The following TRDN variants were observed in gnomAD, a reference collection of about 807,000 sequenced individuals.
The protein encoded by TRDN is triadin.
In TRDN, 161 loss-of-function variants were observed where a neutral mutation model predicts 149.7. The ratio of observed to expected loss-of-function variants is 1.08; its 90% CI spans 0.95 to 1.23. The LOEUF is 1.23. TRDN is among the 50% of genes most tolerant of loss of function. The pLI is 0.00. For missense variants in TRDN, 896 were observed against 823.5 expected, an observed-to-expected ratio of 1.09 and a Z score of -1.08; for synonymous variants, 294 against 250.5, an observed-to-expected ratio of 1.17 and a Z score of -1.64.
At chr6:123,514,801 AGCC>A (rs1444158118) in intron 6 of TRDN, among the ~76,000 whole-genome samples, 2 of 152,088 alleles carry the variant, frequency 1.3e-5, no homozygotes, top group African/African-American at 4.8e-5. Flanking sequence ...TGAAGCTGGA[AGCC>A]ATCATTCTCA....
chr6:123,489,656 T>C (rs1778125772), intron 9 of TRDN: 1 of 152,164 alleles, frequency 6.6e-6, no homozygotes, highest in Admixed American at 6.5e-5. Flanking sequence ...ATATTAAGCA[T>C]TTTCTATTTC....
chr6:123,581,985 A>G (rs140555181), intron 1 of TRDN, among the ~76,000 whole-genome samples: 51 of 152,328 alleles, frequency 3.3e-4, no homozygotes, highest in African/African-American at 1.1e-3. Context: ...GAATGGATTT[A>G]TTCTGAGCCA....
intron 10 of TRDN, among the ~76,000 whole-genome samples, chr6:123,440,330 G>T (rs1774806899): frequency 6.6e-6 from 1 of 152,102 alleles, no homozygotes; most frequent in Non-Finnish European, 1.5e-5. Flanking sequence ...GTCAAATTTT[G>T]ATAGTTTCAG....
intron 18 of TRDN, among the ~76,000 whole-genome samples, chr6:123,376,188 T>C (rs1381544211): frequency 6.6e-6 from 1 of 152,166 alleles, no homozygotes; most frequent in Non-Finnish European, 1.5e-5. Flanking sequence ...CCAATAGTCA[T>C]TCTGTATGTC....
intron 10 of TRDN, chr6:123,441,103 G>A (rs1304791826): frequency 6.6e-6 from 1 of 152,078 alleles, no homozygotes; most frequent in Non-Finnish European, 1.5e-5. Flanking sequence ...AACTTCTCAA[G>A]ATTCTACATT....
intron 21 of TRDN, among the ~76,000 whole-genome samples, chr6:123,342,637 G>T (rs901712633): frequency 6.6e-5 from 10 of 151,914 alleles, no homozygotes; most frequent in African/African-American, 2.4e-4. Context: ...GAAGCTAAGA[G>T]ATAAGTAACT....
At chr6:123,223,726 T>TTCCA (rs1775247411) in intron 39 of TRDN, among the ~76,000 whole-genome samples, 1 of 147,844 alleles carries the variant, frequency 6.8e-6, no homozygotes, top group Non-Finnish European at 1.5e-5. Context: ...CCTTCCTTCC[T>TTCCA]TCCTTCCTGA....
chr6:123,547,004 C>T (rs2114429420), intron 4 of TRDN, among the ~76,000 whole-genome samples: 1 of 152,098 alleles, frequency 6.6e-6, no homozygotes, highest in South Asian at 2.1e-4. Context: ...ATAAATCTGA[C>T]CATGGTGAGA....
rs368393402 is a variant in TRDN at position 123,360,402 on chromosome 6, C to T, written c.1321+5733G>A. Among the ~76,000 whole-genome samples, 200 of 152,206 alleles carry T rather than the reference C, an allele frequency of 1.3e-3. 1 individual carries two copies. The highest frequency in any genetic ancestry group is 4.6e-3 in the African/African-American group (190 of 41,532). On this transcript the variant is annotated intron_variant, in intron 20 of 40. Coordinates refer to ENST00000334268, the MANE Select transcript of TRDN (RefSeq NM_006073.4). ...GATGAAAGAAAAAACACAAAGAAGC[C>T]AGAAATAAAGGCCAGTCATATGGAG...
chr6:123,376,923 C>G (rs1781531889), intron 18 of TRDN, among the ~76,000 whole-genome samples: 1 of 152,064 alleles, frequency 6.6e-6, no homozygotes, highest in Non-Finnish European at 1.5e-5. Flanking sequence ...CTCAGTGAAG[C>G]TCCTTCAGTA....
intron 24 of TRDN, among the ~76,000 whole-genome samples, chr6:123,291,118 C>T (rs1255073981): frequency 1.3e-5 from 2 of 152,000 alleles, no homozygotes; most frequent in Admixed American, 1.3e-4. Flanking sequence ...GACTGCACAA[C>T]TGCACTCTTG....
intron 10 of TRDN, among the ~76,000 whole-genome samples, chr6:123,459,572 C>T (rs754435028): frequency 6.6e-6 from 1 of 152,172 alleles, no homozygotes; most frequent in Non-Finnish European, 1.5e-5. Context: ...CTTTGGCTAG[C>T]TCTTGGGGCT....
intron 24 of TRDN, among the ~76,000 whole-genome samples, chr6:123,290,801 T>A: frequency 6.6e-6 from 1 of 151,718 alleles, no homozygotes; most frequent in Non-Finnish European, 1.5e-5. Context: ...TAAAAGGGAG[T>A]TTCAAAATAT....
intron 23 of TRDN, among the ~76,000 whole-genome samples, chr6:123,319,319 TCTTTTATTAGGCTA>T (rs907231295): frequency 5.3e-5 from 8 of 152,006 alleles, no homozygotes; most frequent in African/African-American, 1.7e-4. Flanking sequence ...GTTGAGCAGC[TCTTTTATTAGGCTA>T]CTTGATTTTT....
Position 123,393,630 on chromosome 6 carries a change from CTGCA to C in TRDN, c.1095_1098del (p.Ile365MetfsTer24). On this transcript the variant is annotated frameshift_variant, in exon 13 of 41. Transcript: ENST00000334268. LOFTEE classifies it high-confidence loss of function. Reference sequence around the variant, plus strand: ...AAAGTGTTTTATTGCTTACCTTGTGCTGCAATTTTTACAGTCCCTTGTTTGGTTT... The same window carrying C: ...AAAGTGTTTTATTGCTTACCTTGTGCATTTTTACAGTCCCTTGTTTGGTTT... 1 of 1,603,952 alleles carries C rather than the reference CTGCA, an allele frequency of 6.2e-7. No homozygotes were observed. The highest frequency in any genetic ancestry group is 8.5e-7 in the Non-Finnish European group (1 of 1,174,364).
intron 38 of TRDN, among the ~76,000 whole-genome samples, chr6:123,247,840 C>A (rs886354791): frequency 1.3e-5 from 2 of 151,994 alleles, no homozygotes; most frequent in Non-Finnish European, 2.9e-5. Context: ...GCTACCTGAC[C>A]TCAAACTATA....
chr6:123,247,479 T>G (rs1490155629), intron 38 of TRDN, among the ~76,000 whole-genome samples: 1 of 152,190 alleles, frequency 6.6e-6, no homozygotes, highest in Non-Finnish European at 1.5e-5. Context: ...AGCCAAATCA[T>G]GAGTGAACTC....
At chr6:123,382,694 T>G (rs1380330745) in intron 14 of TRDN, among the ~76,000 whole-genome samples, 2 of 152,040 alleles carry the variant, frequency 1.3e-5, no homozygotes, top group Non-Finnish European at 1.5e-5. Flanking sequence ...GGGTTACTGA[T>G]GAATACATCA....
intron 23 of TRDN, among the ~76,000 whole-genome samples, chr6:123,327,126 A>T (rs1779486149): frequency 6.6e-6 from 1 of 152,024 alleles, no homozygotes; most frequent in African/African-American, 2.4e-5. Context: ...ATGAGAAACA[A>T]GTGTGGTTTT....
Sources: gnomAD v4.1 joint callset for allele counts (sites outside exome capture counted in the v4.1 genomes callset) on GRCh38, gnomAD v4.1.1 for gene constraint, MANE v1.5 for transcripts, NCBI Gene and HGNC (gene_info 2026-07-23, HGNC 2026-07-21) for gene names.